The following IL3RA variants were observed in gnomAD, a reference collection of about 807,000 sequenced individuals.
The protein encoded by IL3RA is interleukin-3 receptor subunit alpha.
IL3RA carries 73 observed loss-of-function variants against 52.3 expected under a neutral mutation model. The ratio of observed to expected loss-of-function variants is 1.40; its 90% CI spans 1.16 to 1.70. The LOEUF (loss-of-function observed/expected upper bound fraction) is 1.70. Ranked by LOEUF, IL3RA falls within the 40% of genes most tolerant of loss-of-function variation. IL3RA has a pLI of 0.00. For missense variants in IL3RA, 664 were observed against 504.4 expected (o/e 1.32, Z -3.03); for synonymous variants, 260 against 194.0 (o/e 1.34, Z -2.83).
intron 8 of IL3RA, among the ~76,000 whole-genome samples, chrX:1,362,794 G>A (rs7060070): frequency 0.017 from 1,943 of 117,008 alleles, 42 homozygotes; most frequent in African/African-American, 0.066. Context: ...TATTTATTTT[G>A]AGACAGAGTC....
intron 6 of IL3RA, among the ~76,000 whole-genome samples, chrX:1,354,644 A>G (rs866724647): frequency 3.0e-4 from 9 of 30,226 alleles, no homozygotes; most frequent in Non-Finnish European, 3.6e-4. Flanking sequence ...GAGGGGGAGG[A>G]GGTGGAGATG....
chrX:1,342,559 C>CAT (rs1219198035), intron 2 of IL3RA, among the ~76,000 whole-genome samples: 4 of 111,318 alleles, frequency 3.6e-5, no homozygotes, highest in African/African-American at 6.9e-5. Context: ...TCTTTAACTT[C>CAT]TTTTTTTTTT....
chrX:1,346,023 C>G (rs761018376), intron 3 of IL3RA, among the ~76,000 whole-genome samples: 1 of 152,088 alleles, frequency 6.6e-6, no homozygotes, highest in Non-Finnish European at 1.5e-5. Flanking sequence ...TGGTGCGAAA[C>G]CCAACCCCAC....
At position 1,345,341 on chromosome X, in the gene IL3RA, A is replaced by G; in HGVS notation, c.90A>G (p.Leu30=). 6.2e-7 allele frequency: 1 copy of G among 1,611,060 alleles called. No homozygotes were observed. The highest frequency in any genetic ancestry group is 8.5e-7 in the Non-Finnish European group (1 of 1,178,274). Residue 30 remains leucine, a synonymous_variant, in exon 3 of 12, where the codon CTA becomes CTG. Transcript: ENST00000331035. ...ATCCAAACCCACCAATCACGAACCTAAGGATGAAAGCAAAGGCTCAGCAGT... is the reference window on the plus strand; with the variant it reads ...ATCCAAACCCACCAATCACGAACCTGAGGATGAAAGCAAAGGCTCAGCAGT... ...KEDPNPPITN[L]RMKAKAQQLT... is the part of the protein sequence containing the mutation.
At chrX:1,340,317 T>C (rs2085444063) in intron 1 of IL3RA, among the ~76,000 whole-genome samples, 1 of 152,104 alleles carries the variant, frequency 6.6e-6, no homozygotes, top group Non-Finnish European at 1.5e-5. Flanking sequence ...GGTTTCACCA[T>C]GTTAGCCAGG....
chrX:1,351,359 G>A (rs1411653659), intron 4 of IL3RA, among the ~76,000 whole-genome samples: 8 of 151,880 alleles, frequency 5.3e-5, no homozygotes, highest in South Asian at 2.1e-4. Flanking sequence ...ACGGAGTCTC[G>A]CTCTTGTCAC....
Position 1,360,240 on chromosome X carries a change from A to G in IL3RA, c.759+1353A>G, listed in dbSNP as rs111161739. Among the ~76,000 whole-genome samples the G allele has an allele frequency of 1.0e-3, 30 of 28,866 alleles. 1 individual carries two copies. The highest frequency in any genetic ancestry group is 3.3e-3 in the East Asian group (7 of 2,140). The allele number at this position is 28,866 out of a possible 152,430, so 18.9% of individuals were successfully genotyped here. On this transcript the variant is annotated intron_variant, in intron 8 of 11. Transcript: ENST00000331035. ...TCTCTTTCTCTGTGTCTGTCTCTGT[A>G]TCTCTCTCCCTTTCTCCCTCCATCT... is the stretch of plus-strand genomic sequence containing the variant.
chrX:1,380,739 C>T (rs1470651831), intron 10 of IL3RA, among the ~76,000 whole-genome samples: 1 of 150,800 alleles, frequency 6.6e-6, no homozygotes, highest in Non-Finnish European at 1.5e-5. Flanking sequence ...TGTCTCAGGT[C>T]GTAAACTCAG....
chrX:1,359,682 A>C (rs182169087), intron 8 of IL3RA, among the ~76,000 whole-genome samples: 270 of 111,156 alleles, frequency 2.4e-3, no homozygotes, highest in African/African-American at 8.8e-3. Flanking sequence ...GTCTGTCTCT[A>C]TCTTTCTCCC....
chrX:1,378,335 G>A (rs2088942530), intron 9 of IL3RA, among the ~76,000 whole-genome samples: 1 of 152,152 alleles, frequency 6.6e-6, no homozygotes, highest in African/African-American at 2.4e-5. Flanking sequence ...CCGGCCTGCT[G>A]GGCACAGTGG....
At chrX:1,343,113 T>C (rs1402149702) in intron 2 of IL3RA, among the ~76,000 whole-genome samples, 1 of 151,794 alleles carries the variant, frequency 6.6e-6, no homozygotes, top group Non-Finnish European at 1.5e-5. Flanking sequence ...TTATAAGAAT[T>C]TTTTTCCCCA....
chrX:1,364,732 C>T (rs1603447795), intron 8 of IL3RA, among the ~76,000 whole-genome samples: 1 of 152,018 alleles, frequency 6.6e-6, no homozygotes, highest in East Asian at 1.9e-4. Context: ...CCCACCTCAG[C>T]CTCCAAAAGT....
Position 1,352,342 on chromosome X carries a change from G to A in IL3RA, c.452G>A (p.Cys151Tyr), listed in dbSNP as rs1449488014. Reference sequence around the variant, plus strand: ...CGCAGCAGGCGTCAACAGTACGAGTGTCTTCACTACAAAACGGATGCTCAG... The same window carrying A: ...CGCAGCAGGCGTCAACAGTACGAGTATCTTCACTACAAAACGGATGCTCAG... ...NVANRRQQYE[C>Y]LHYKTDAQGT... The change falls in exon 6 of 12, where the codon TGT (cysteine) becomes TAT (tyrosine). Residue 151 changes from cysteine (C) to tyrosine (Y), a missense_variant. Physicochemically the swap from Cys to Tyr is radical, Grantham distance 194 (BLOSUM62 -2). Coordinates refer to ENST00000331035, the MANE Select transcript of IL3RA (RefSeq NM_002183.4). The A allele has an allele frequency of 6.2e-7, 1 of 1,613,888 alleles. No individual in the cohort carries two copies. Among genetic ancestry groups the A allele is most frequent in the Non-Finnish European group, 8.5e-7 (1 of 1,179,848 alleles).
At chrX:1,356,898 C>T (rs1203938399) in intron 7 of IL3RA, among the ~76,000 whole-genome samples, 1 of 151,818 alleles carries the variant, frequency 6.6e-6, no homozygotes, top group East Asian at 1.9e-4. Flanking sequence ...TCTACAGATT[C>T]AATGCAAGCT....
chrX:1,382,242 C>A, intron 11 of IL3RA, 149 bp from the exon 12 acceptor site: 1 of 741,438 alleles, frequency 1.3e-6, no homozygotes, highest in South Asian at 1.6e-5. Context: ...ACCCACCGCG[C>A]CTGGCCCAAA....
intron 2 of IL3RA, among the ~76,000 whole-genome samples, chrX:1,343,986 G>A (rs1367213258): frequency 6.6e-6 from 1 of 151,776 alleles, no homozygotes; most frequent in Non-Finnish European, 1.5e-5. Flanking sequence ...AGTCGCGACG[G>A]GGTTTCACCG....
chrX:1,378,226 C>G (rs1310389666), intron 9 of IL3RA, among the ~76,000 whole-genome samples: 1 of 151,380 alleles, frequency 6.6e-6, no homozygotes, highest in Non-Finnish European at 1.5e-5. Context: ...AATTAACACA[C>G]ACACACAAAT....
At chrX:1,377,263 A>G (rs1275369298) in intron 9 of IL3RA, among the ~76,000 whole-genome samples, 1 of 151,394 alleles carries the variant, frequency 6.6e-6, no homozygotes, top group Non-Finnish European at 1.5e-5. Flanking sequence ...TTTTTCTGAG[A>G]TGGAGTCTCA....
intron 8 of IL3RA, among the ~76,000 whole-genome samples, chrX:1,362,381 GTC>G (rs2087505142): frequency 7.0e-6 from 1 of 143,532 alleles, no homozygotes; most frequent in African/African-American, 2.6e-5. Flanking sequence ...CTGTCTCTTT[GTC>G]TCTGTCTGTT....
Sources: gnomAD v4.1 joint callset for allele counts (sites outside exome capture counted in the v4.1 genomes callset) on GRCh38, gnomAD v4.1.1 for gene constraint, MANE v1.5 for transcripts, NCBI Gene and HGNC (gene_info 2026-07-23, HGNC 2026-07-21) for gene names.